ZC3H7A: variants seen among roughly 807,000 people sequenced by gnomAD.
The protein encoded by ZC3H7A is zinc finger CCCH domain-containing protein 7A.
Under a neutral mutation model 125.5 loss-of-function variants are expected in ZC3H7A, and 44 were observed. That is an observed-to-expected ratio of 0.35 (90% CI 0.28 to 0.45). The LOEUF (loss-of-function observed/expected upper bound fraction) is 0.45, where lower values mean the gene tolerates loss of function less well. ZC3H7A is among the 20% of genes least tolerant of loss of function. The pLI is 1.00. For synonymous variants in ZC3H7A, 399 were observed against 391.2 expected, an observed-to-expected ratio of 1.02 and a Z score of -0.23; for missense variants, 977 against 1,170.7, an observed-to-expected ratio of 0.83 and a Z score of 2.41.
intron 1 of ZC3H7A, chr16:11,796,553 T>A (rs2053440217): frequency 6.5e-6 from 1 of 153,014 alleles, no homozygotes. Flanking sequence ...GAAGCCCCGC[T>A]AATGGGAACT....
intron 1 of ZC3H7A, among the ~76,000 whole-genome samples, chr16:11,785,837 T>G (rs1217592609): frequency 6.6e-6 from 1 of 152,192 alleles, no homozygotes; most frequent in Non-Finnish European, 1.5e-5. Flanking sequence ...GCCAGGATGG[T>G]CTCGATCTCC....
intron 20 of ZC3H7A, among the ~76,000 whole-genome samples, chr16:11,756,939 G>T (rs144697238): frequency 6.6e-6 from 1 of 152,308 alleles, no homozygotes; most frequent in Non-Finnish European, 1.5e-5. Flanking sequence ...GGCAGTGGCT[G>T]CCAGTTGCTT....
chr16:11,758,734 A>G, intron 19 of ZC3H7A, 195 bp from the exon 20 acceptor site: 2 of 521,630 alleles, frequency 3.8e-6, no homozygotes, highest in Non-Finnish European at 6.7e-6. Context: ...TTTCTATCTC[A>G]AAATTTTTCA....
intron 5 of ZC3H7A, 89 bp from the exon 6 acceptor site, chr16:11,776,621 C>G (rs1285455712): frequency 1.3e-6 from 2 of 1,493,344 alleles, no homozygotes; most frequent in African/African-American, 2.8e-5. Flanking sequence ...CCCATCAAGA[C>G]ACCTGCTTCA....
At position 11,771,366 on chromosome 16, in the gene ZC3H7A, C is replaced by A. The variant is rs185611358; in HGVS notation, c.904-379G>T. On this transcript the variant is annotated intron_variant, in intron 9 of 22. Coordinates refer to ENST00000355758, the MANE Select transcript of ZC3H7A (RefSeq NM_014153.4). Reference sequence around the variant, plus strand: ...TCACGCAATTGCACTACAGCCTGGGCGACAGAGCAAGACTCCATCTCCAAA... The same window carrying A: ...TCACGCAATTGCACTACAGCCTGGGAGACAGAGCAAGACTCCATCTCCAAA... Among the ~76,000 whole-genome samples, 24 of 151,022 alleles carry A rather than the reference C, an allele frequency of 1.6e-4. 1 individual carries two copies. Among genetic ancestry groups the A allele is most frequent in the South Asian group, 1.5e-3 (7 of 4,782 alleles).
chr16:11,771,058 C>CCAG (rs1167784647), intron 9 of ZC3H7A, 71 bp from the exon 10 acceptor site: 2 of 1,401,914 alleles, frequency 1.4e-6, no homozygotes, highest in Non-Finnish European at 1.9e-6. Context: ...ACTTTCAACA[C>CCAG]CAGCAAATAA....
intron 4 of ZC3H7A, among the ~76,000 whole-genome samples, chr16:11,778,505 T>A (rs2053121990): frequency 6.7e-6 from 1 of 150,082 alleles, no homozygotes; most frequent in Non-Finnish European, 1.5e-5. Flanking sequence ...CAAGATCAAC[T>A]GGATCTTGAC....
intron 11 of ZC3H7A, among the ~76,000 whole-genome samples, chr16:11,768,749 T>C (rs1410254248): frequency 1.3e-5 from 2 of 152,180 alleles, no homozygotes; most frequent in Non-Finnish European, 2.9e-5. Flanking sequence ...ACTGCAAAAG[T>C]ACACACGCTT....
chr16:11,783,874 A>G (rs1478583777), intron 1 of ZC3H7A, among the ~76,000 whole-genome samples: 1 of 152,154 alleles, frequency 6.6e-6, no homozygotes, highest in Admixed American at 6.6e-5. Context: ...AAACACCGTC[A>G]GTTCTCAATA....
chr16:11,775,930 C>T (rs2053072173), intron 7 of ZC3H7A, among the ~76,000 whole-genome samples: 2 of 152,216 alleles, frequency 1.3e-5, no homozygotes, highest in Admixed American at 6.5e-5. Flanking sequence ...GAGGCCAAGG[C>T]AGGAGGAACA....
chr16:11,787,902 C>T (rs376772590), intron 1 of ZC3H7A, among the ~76,000 whole-genome samples: 2 of 151,048 alleles, frequency 1.3e-5, no homozygotes, highest in African/African-American at 2.4e-5. Context: ...GCCAAGATCG[C>T]GTCATTGCAC....
intron 20 of ZC3H7A, among the ~76,000 whole-genome samples, chr16:11,758,110 T>C (rs2052684323): frequency 6.6e-6 from 1 of 152,204 alleles, no homozygotes; most frequent in Non-Finnish European, 1.5e-5. Context: ...GCAGATGATC[T>C]GATTTAAACA....
chr16:11,763,035 AG>A (rs1374557177), intron 16 of ZC3H7A: 1 of 330,844 alleles, frequency 3.0e-6, no homozygotes, highest in Non-Finnish European at 5.5e-6. Context: ...AAAAATCAAA[AG>A]TTTGAAGCTC....
chr16:11,766,751 C>T (rs911984516), intron 13 of ZC3H7A, among the ~76,000 whole-genome samples: 1 of 151,290 alleles, frequency 6.6e-6, no homozygotes, highest in Non-Finnish European at 1.5e-5. Context: ...GGTGTACTGG[C>T]GCATGCCTGT....
At chr16:11,794,244 T>G (rs1271432883) in intron 1 of ZC3H7A, among the ~76,000 whole-genome samples, 3 of 152,202 alleles carry the variant, frequency 2.0e-5, no homozygotes, top group African/African-American at 7.2e-5. Context: ...TTACCAAATG[T>G]GCCAGATTAA....
chr16:11,773,865 A>G (rs1294124165), intron 9 of ZC3H7A, among the ~76,000 whole-genome samples: 1 of 152,162 alleles, frequency 6.6e-6, no homozygotes, highest in Non-Finnish European at 1.5e-5. Context: ...CCTGGGCAAC[A>G]GAGCAAGACT....
chr16:11,752,569 A>G, intron 22 of ZC3H7A, 100 bp downstream of exon 22: 1 of 1,446,748 alleles, frequency 6.9e-7, no homozygotes, highest in East Asian at 2.3e-5. Flanking sequence ...GCACAGCAAC[A>G]TTAGAACTTT....
chr16:11,790,479 A>G (rs186953909), intron 1 of ZC3H7A, among the ~76,000 whole-genome samples: 28 of 152,272 alleles, frequency 1.8e-4, no homozygotes, highest in African/African-American at 6.7e-4. Context: ...TATTTTTTCC[A>G]ATTTGATGTC....
At chr16:11,767,629 A>T in intron 12 of ZC3H7A, 51 bp from the exon 13 acceptor site, 1 of 1,463,974 alleles carries the variant, frequency 6.8e-7, no homozygotes, top group South Asian at 1.4e-5. Flanking sequence ...ATATCATTTC[A>T]TTTTACAGGT....
Sources: allele counts gnomAD v4.1 joint callset (sites outside exome capture counted in the v4.1 genomes callset), GRCh38; gene constraint gnomAD v4.1.1; transcripts MANE v1.5; gene names NCBI Gene and HGNC (gene_info 2026-07-23, HGNC 2026-07-21).